Variants in GSE1 observed in about 807,000 individuals in gnomAD.
GSE1 encodes Gse1 coiled-coil protein.
Under a neutral mutation model 112.6 loss-of-function variants are expected in GSE1, and 32 were observed. The observed-to-expected ratio is 0.28, with a 90% CI of 0.21 to 0.38. The LOEUF is 0.38. Ranked by LOEUF, GSE1 falls within the 10% of genes least tolerant of loss-of-function variation. The pLI is 1.00. For missense variants in GSE1, 2,348 were observed against 1,699.2 expected, an observed-to-expected ratio of 1.38 and a Z score of -6.71; for synonymous variants, 1,115 against 735.6, an observed-to-expected ratio of 1.52 and a Z score of -8.35.
chr16:85,637,408 C>T (rs1285849501), intron 2 of GSE1, among the ~76,000 whole-genome samples: 4 of 152,360 alleles, frequency 2.6e-5, no homozygotes, highest in Admixed American at 6.5e-5. Context: ...CTTTCTGCTC[C>T]GTCCTGGAGT....
At chr16:85,628,950 A>C (rs1421629561) in intron 1 of GSE1, among the ~76,000 whole-genome samples, 1 of 152,140 alleles carries the variant, frequency 6.6e-6, no homozygotes, top group African/African-American at 2.4e-5. Flanking sequence ...GGTGGGGCCC[A>C]GTGGCAGTGA....
upstream of GSE1, among the ~76,000 whole-genome samples, chr16:85,553,241 T>TGGGGGCAGG (rs1183791845): frequency 6.6e-5 from 6 of 91,104 alleles, no homozygotes; most frequent in East Asian, 3.4e-4. Context: ...GCGCGCGGGG[T>TGGGGGCAGG]GGGGGCAGGG....
chr16:85,233,897 C>T, intron 1 of GSE1, among the ~76,000 whole-genome samples: 1 of 152,112 alleles, frequency 6.6e-6, no homozygotes, highest in Middle Eastern at 3.4e-3. Context: ...GTCCCAGGGC[C>T]CTCCTACCCC....
intron 2 of GSE1, among the ~76,000 whole-genome samples, chr16:85,390,157 G>A (rs1054344606): frequency 1.3e-5 from 2 of 152,220 alleles, no homozygotes; most frequent in Non-Finnish European, 2.9e-5. Context: ...AGGGAACTGT[G>A]TATTCTTACA....
At chr16:85,332,536 C>G (rs997754484) in intron 1 of GSE1, among the ~76,000 whole-genome samples, 1 of 152,142 alleles carries the variant, frequency 6.6e-6, no homozygotes, top group African/African-American at 2.4e-5. Flanking sequence ...ATATGACTTA[C>G]GGTGTCCAAA....
At chr16:85,206,586 C>G (rs1017155416) in intron 1 of GSE1, among the ~76,000 whole-genome samples, 1 of 152,122 alleles carries the variant, frequency 6.6e-6, no homozygotes, top group Non-Finnish European at 1.5e-5. Context: ...GCTGGAAAAG[C>G]GTCTGCCTAC....
chr16:85,244,199 G>A (rs1905399051), intron 1 of GSE1, among the ~76,000 whole-genome samples: 1 of 152,152 alleles, frequency 6.6e-6, no homozygotes, highest in Admixed American at 6.5e-5. Context: ...TATGCTGGTG[G>A]GCCCAGTGTA....
chr16:85,602,010 A>C (rs1192509272), intron 1 of GSE1, among the ~76,000 whole-genome samples: 1 of 151,968 alleles, frequency 6.6e-6, no homozygotes, highest in South Asian at 2.1e-4. Flanking sequence ...AGGGAGAGGG[A>C]GAAGACGGGC....
chr16:85,322,363 G>A (rs1206230688), intron 1 of GSE1, among the ~76,000 whole-genome samples: 2 of 152,180 alleles, frequency 1.3e-5, no homozygotes, highest in Non-Finnish European at 2.9e-5. Flanking sequence ...AGAACTCCCG[G>A]AGGCTTCTGG....
chr16:85,246,490 CA>C (rs1905825644), intron 1 of GSE1, among the ~76,000 whole-genome samples: 10 of 115,758 alleles, frequency 8.6e-5, no homozygotes, highest in Non-Finnish European at 1.4e-4. Context: ...CACACACACA[CA>C]CTCTACACAC....
chr16:85,616,497 T>A (rs1207775959), intron 1 of GSE1, among the ~76,000 whole-genome samples: 1 of 152,150 alleles, frequency 6.6e-6, no homozygotes, highest in Non-Finnish European at 1.5e-5. Flanking sequence ...CGGGCCAGGG[T>A]TGGATGGGGA....
In GSE1 at chr16:85,626,880, C is replaced by G. The variant is rs916247241; in HGVS notation, c.8-7034C>G. 2.6e-5 allele frequency among the ~76,000 whole-genome samples: 4 copies of G among 151,722 alleles called. No individual in the cohort carries two copies. The East Asian group carries it at 5.8e-4, about 22-fold the overall frequency. ...ATATTTAATGGAGTAGAGAGGCCTCCCCCCTCGTTTAAATCCTGCTGTTGG... is the reference window on the plus strand; with the variant it reads ...ATATTTAATGGAGTAGAGAGGCCTCGCCCCTCGTTTAAATCCTGCTGTTGG... On this transcript the variant is annotated intron_variant, in intron 1 of 15. Transcript: ENST00000253458.
At chr16:85,210,615 T>C (rs1342515819) in intron 1 of GSE1, among the ~76,000 whole-genome samples, 1 of 151,708 alleles carries the variant, frequency 6.6e-6, no homozygotes, top group East Asian at 1.9e-4. Context: ...AGTGATGTCA[T>C]GTTGAGTGGC....
chr16:85,589,429 C>T (rs1464251952), intron 1 of GSE1, among the ~76,000 whole-genome samples: 2 of 152,106 alleles, frequency 1.3e-5, no homozygotes, highest in Admixed American at 6.5e-5. Context: ...TGACACGGCG[C>T]GGGTGGAGCC....
At chr16:85,471,156 AC>A (rs1173274476) in intron 2 of GSE1, among the ~76,000 whole-genome samples, 1 of 151,910 alleles carries the variant, frequency 6.6e-6, no homozygotes, top group Non-Finnish European at 1.5e-5. Flanking sequence ...TCTCAGCCCG[AC>A]CCCTGCCCAG....
chr16:85,245,768 G>C (rs980496335), intron 1 of GSE1, among the ~76,000 whole-genome samples: 1 of 152,104 alleles, frequency 6.6e-6, no homozygotes, highest in Admixed American at 6.5e-5. Context: ...GCACCGCCTG[G>C]GGGGTGCCTT....
At chr16:85,634,407 C>G (rs1179564568) in intron 2 of GSE1, among the ~76,000 whole-genome samples, 1 of 152,162 alleles carries the variant, frequency 6.6e-6, no homozygotes, top group African/African-American at 2.4e-5. Context: ...GCGAGGTGCT[C>G]CTACCAGCTC....
chr16:85,500,599 C>T (rs994279994), intron 2 of GSE1, among the ~76,000 whole-genome samples: 1 of 152,204 alleles, frequency 6.6e-6, no homozygotes, highest in African/African-American at 2.4e-5. Flanking sequence ...AGAGGGCACC[C>T]GAGTGGGGTG....
At chr16:85,279,706 G>C (rs372293412) in intron 1 of GSE1, among the ~76,000 whole-genome samples, 10 of 152,236 alleles carry the variant, frequency 6.6e-5, no homozygotes, top group African/African-American at 2.2e-4. Context: ...CTGCTCCATG[G>C]GGCCTCCTGA....
Sources: gnomAD v4.1 joint callset for allele counts (sites outside exome capture counted in the v4.1 genomes callset) on GRCh38, gnomAD v4.1.1 for gene constraint, MANE v1.5 for transcripts, NCBI Gene and HGNC (gene_info 2026-07-23, HGNC 2026-07-21) for gene names.